The following PRKAR2B variants were observed in gnomAD, a reference collection of about 807,000 sequenced individuals.
PRKAR2B encodes cAMP-dependent protein kinase type II-beta regulatory subunit.
Under a neutral mutation model 49.9 loss-of-function variants are expected in PRKAR2B, and 14 were observed. The ratio of observed to expected loss-of-function variants is 0.28; its 90% CI spans 0.19 to 0.44. The LOEUF (loss-of-function observed/expected upper bound fraction) is 0.44. Among genes scored for constraint, PRKAR2B ranks in the 20% least tolerant of loss-of-function variants. PRKAR2B has a pLI of 1.00. For synonymous variants in PRKAR2B, 196 were observed against 197.7 expected (o/e 0.99, Z 0.07); for missense variants, 393 against 537.9 (o/e 0.73, Z 2.67).
chr7:107,126,221 G>T (rs1480062264), intron 3 of PRKAR2B, among the ~76,000 whole-genome samples: 2 of 140,122 alleles, frequency 1.4e-5, no homozygotes, highest in African/African-American at 5.4e-5. Context: ...GTGAAAACCC[G>T]TCTCTACTAA....
At chr7:107,151,079 A>G (rs1208173132) in intron 7 of PRKAR2B, 56 bp downstream of exon 7, 4 of 1,022,226 alleles carry the variant, frequency 3.9e-6, no homozygotes, top group Non-Finnish European at 5.5e-6. Flanking sequence ...CTGTTTTGCT[A>G]GGAATATTTA....
chr7:107,064,445 T>C (rs1351786717), intron 1 of PRKAR2B, among the ~76,000 whole-genome samples: 1 of 152,182 alleles, frequency 6.6e-6, no homozygotes. Flanking sequence ...AATCCACGTG[T>C]CTGAGTGGGT....
Position 107,159,634 on chromosome 7 carries a change from A to T in PRKAR2B, c.*52A>T. ...GTGACAAAATTACACAGTAGTGGTT[A>T]GTCCACTGAGAATGTGTTTGTGTAG... On this transcript the variant is annotated 3_prime_UTR_variant, in exon 11 of 11. Coordinates refer to ENST00000265717, the MANE Select transcript of PRKAR2B (RefSeq NM_002736.3). 6.4e-7 allele frequency: 1 copy of T among 1,567,014 alleles called. No homozygotes were observed. The highest frequency in any genetic ancestry group is 1.2e-5 in the South Asian group (1 of 85,036).
intron 4 of PRKAR2B, chr7:107,129,011 TAG>T (rs1047869503): frequency 2.0e-5 from 3 of 152,132 alleles, no homozygotes; most frequent in Admixed American, 6.5e-5. Context: ...AATGTGAAAA[TAG>T]AGTCAACTTT....
intron 1 of PRKAR2B, among the ~76,000 whole-genome samples, chr7:107,060,193 G>C (rs1291256945): frequency 6.6e-6 from 1 of 152,050 alleles, no homozygotes; most frequent in African/African-American, 2.4e-5. Flanking sequence ...ATTTTTGAGA[G>C]TATATAGAGA....
intron 2 of PRKAR2B, among the ~76,000 whole-genome samples, chr7:107,102,853 T>C (rs1483108340): frequency 3.9e-5 from 6 of 152,038 alleles, no homozygotes; most frequent in African/African-American, 1.4e-4. Context: ...GTATTTTTAG[T>C]GGAGATGGGG....
At chr7:107,134,616 A>G (rs1795662249) in intron 4 of PRKAR2B, among the ~76,000 whole-genome samples, 1 of 152,244 alleles carries the variant, frequency 6.6e-6, no homozygotes, top group East Asian at 1.9e-4. Flanking sequence ...ATGGTAATCA[A>G]AACCATATAC....
chr7:107,099,937 C>T lies in PRKAR2B; in HGVS notation c.344-22015C>T, dbSNP rs182471250. Among the ~76,000 whole-genome samples, 5 of 152,158 alleles carry T rather than the reference C, an allele frequency of 3.3e-5. No homozygotes were observed. In the East Asian group the frequency reaches 9.7e-4, roughly 29 times the overall value. On this transcript the variant is annotated intron_variant, in intron 2 of 10. Transcript: ENST00000265717. ...GCGTGAGCCACCGTGCCCGGCCAGT[C>T]CTGTGCCCACTTTTAAATTGGGTTG...
intron 2 of PRKAR2B, among the ~76,000 whole-genome samples, chr7:107,071,616 G>C (rs1794278607): frequency 6.6e-6 from 1 of 152,146 alleles, no homozygotes; most frequent in Non-Finnish European, 1.5e-5. Context: ...GAAGAAGAGA[G>C]AATCAGTATT....
intron 1 of PRKAR2B, among the ~76,000 whole-genome samples, chr7:107,060,539 A>C (rs1473534120): frequency 6.6e-6 from 1 of 151,742 alleles, no homozygotes; most frequent in Non-Finnish European, 1.5e-5. Flanking sequence ...TTTCTTTGAA[A>C]ATTTTTTGCC....
chr7:107,083,961 C>T (rs748458640), intron 2 of PRKAR2B, among the ~76,000 whole-genome samples: 10 of 152,230 alleles, frequency 6.6e-5, no homozygotes, highest in South Asian at 4.2e-4. Context: ...CTAGTAGGAC[C>T]GTCACAGTCT....
chr7:107,090,833 G>A (rs185599337), intron 2 of PRKAR2B, among the ~76,000 whole-genome samples: 123 of 152,264 alleles, frequency 8.1e-4, no homozygotes, highest in Middle Eastern at 3.4e-3. Context: ...ACTTAACATA[G>A]AATGACAGGA....
chr7:107,054,599 C>T (rs1364119253), intron 1 of PRKAR2B, among the ~76,000 whole-genome samples: 3 of 152,122 alleles, frequency 2.0e-5, no homozygotes, highest in Non-Finnish European at 2.9e-5. Flanking sequence ...ATATGGCCTC[C>T]ATCAGTCAAC....
chr7:107,116,808 C>T (rs140887999), intron 2 of PRKAR2B, among the ~76,000 whole-genome samples: 78 of 151,184 alleles, frequency 5.2e-4, no homozygotes, highest in African/African-American at 1.8e-3. Flanking sequence ...TGAACAGGGG[C>T]GGGGGAAGCC....
rs1796160491 is a variant in PRKAR2B at position 107,159,584 on chromosome 7, G to A, written c.*2G>A. The A allele has an allele frequency of 6.2e-7, 1 of 1,613,972 alleles. No individual in the cohort carries two copies. Among genetic ancestry groups the A allele is most frequent in the Non-Finnish European group, 8.5e-7 (1 of 1,179,906 alleles). ...GATATTGTTGAACCCACTGCATGAAGCAAAAGTATGGAGCAAGACCTGTAG... is the reference window on the plus strand; with the variant it reads ...GATATTGTTGAACCCACTGCATGAAACAAAAGTATGGAGCAAGACCTGTAG... On this transcript the variant is annotated 3_prime_UTR_variant, in exon 11 of 11. Coordinates refer to ENST00000265717, the MANE Select transcript of PRKAR2B (RefSeq NM_002736.3).
intron 6 of PRKAR2B, among the ~76,000 whole-genome samples, chr7:107,150,691 C>A: frequency 9.6e-6 from 1 of 104,060 alleles, no homozygotes. Context: ...TCAACAGATG[C>A]TTTCTTTAAA....
At chr7:107,114,318 G>A (rs1335396997) in intron 2 of PRKAR2B, among the ~76,000 whole-genome samples, 1 of 146,134 alleles carries the variant, frequency 6.8e-6, no homozygotes, top group Admixed American at 7.1e-5. Flanking sequence ...AGTTTGGCAT[G>A]TACAGCTGTG....
chr7:107,129,294 G>A (rs1795555164), intron 4 of PRKAR2B, among the ~76,000 whole-genome samples: 1 of 152,084 alleles, frequency 6.6e-6, no homozygotes, highest in Non-Finnish European at 1.5e-5. Flanking sequence ...GTGTGACTTT[G>A]GAGATTTATG....
At chr7:107,091,915 G>A (rs1051348720) in intron 2 of PRKAR2B, 8 of 152,150 alleles carry the variant, frequency 5.3e-5, no homozygotes, top group African/African-American at 1.7e-4. Context: ...GTAGAAGAGA[G>A]TATTTAATCC....
Sources: gnomAD v4.1 joint callset for allele counts (sites outside exome capture counted in the v4.1 genomes callset) on GRCh38, gnomAD v4.1.1 for gene constraint, MANE v1.5 for transcripts, NCBI Gene and HGNC (gene_info 2026-07-23, HGNC 2026-07-21) for gene names.